The following APOBEC3F variants were observed in gnomAD, a reference collection of about 807,000 sequenced individuals.
APOBEC3F encodes the protein DNA dC->dU-editing enzyme APOBEC-3F.
APOBEC3F carries 34 observed loss-of-function variants against 45.8 expected under a neutral mutation model. That is an observed-to-expected ratio of 0.74 (90% CI 0.57 to 0.99). APOBEC3F has a LOEUF of 0.99. APOBEC3F is among the 50% of genes least tolerant of loss of function. The probability of loss-of-function intolerance (pLI) is 0.00; values close to 1 mark genes in which losing one functional copy is unlikely to be tolerated. For synonymous variants in APOBEC3F, 192 were observed against 174.4 expected, an observed-to-expected ratio of 1.10 and a Z score of -0.80; for missense variants, 459 against 474.1, an observed-to-expected ratio of 0.97 and a Z score of 0.30.
intron 4 of APOBEC3F, among the ~76,000 whole-genome samples, chr22:39,048,516 T>C (rs1165837732): frequency 1.7e-4 from 26 of 151,322 alleles, no homozygotes; most frequent in Admixed American, 1.7e-3. Context: ...CTACTAAAAA[T>C]ACAAAAACTA....
At chr22:39,042,500 C>G (rs1297284471) in intron 1 of APOBEC3F, among the ~76,000 whole-genome samples, 1 of 152,018 alleles carries the variant, frequency 6.6e-6, no homozygotes, top group Non-Finnish European at 1.5e-5. Flanking sequence ...TTAGTAGAGA[C>G]TGGGTTTCAC....
intron 3 of APOBEC3F, 25 bp downstream of exon 3, chr22:39,045,245 G>A: frequency 6.2e-7 from 1 of 1,610,676 alleles, no homozygotes; most frequent in Non-Finnish European, 8.5e-7. Context: ...GGTCAGGGGA[G>A]CGTGAGCGGG....
In APOBEC3F at chr22:39,040,911, A is replaced by G; in HGVS notation, c.-50A>G. ...AACCTGGAGCCTGGAGCAGAAAGTG[A>G]AACCCTGGTGCTCCAGACAAAGATC... On this transcript the variant is annotated 5_prime_UTR_variant, in exon 1 of 7. Transcript: ENST00000308521. The G allele has an allele frequency of 6.4e-7, 1 of 1,557,070 alleles. No homozygotes were observed. The highest frequency in any genetic ancestry group is 8.7e-7 in the Non-Finnish European group (1 of 1,149,670).
Position 39,055,212 on chromosome 22 carries a change from A to C in APOBEC3F, c.*2517A>C, listed in dbSNP as rs1461093824. The stretch of plus-strand genomic sequence containing the variant: ...CTCAGCCTCCTGAGTAGCTGGGACT[A>C]CAGGCGTGTGCCACCACGCCTGGCT... On this transcript the variant is annotated 3_prime_UTR_variant, in exon 7 of 7. Coordinates refer to ENST00000308521, the MANE Select transcript of APOBEC3F (RefSeq NM_145298.6). 6.6e-6 allele frequency among the ~76,000 whole-genome samples: 1 copy of C among 151,372 alleles called. No homozygotes were observed. The highest frequency in any genetic ancestry group is 2.4e-5 in the African/African-American group (1 of 41,038).
intron 5 of APOBEC3F, among the ~76,000 whole-genome samples, chr22:39,050,830 C>A (rs1927448684): frequency 6.6e-6 from 1 of 152,096 alleles, no homozygotes; most frequent in Admixed American, 6.6e-5. Context: ...AAGGCAGACC[C>A]CATAGGACCA....
At chr22:39,049,922 C>G (rs1199829188) in intron 5 of APOBEC3F, among the ~76,000 whole-genome samples, 1 of 151,332 alleles carries the variant, frequency 6.6e-6, no homozygotes, top group South Asian at 2.1e-4. Flanking sequence ...AGGCTGGTTT[C>G]GAATTCCTGA....
At chr22:39,042,848 C>G (rs1451744899) in intron 1 of APOBEC3F, 89 bp from the exon 2 acceptor site, 1 of 1,554,542 alleles carries the variant, frequency 6.4e-7, no homozygotes, top group Admixed American at 1.9e-5. Context: ...GGCCCAGAGC[C>G]ATGCAGGGGG....
In APOBEC3F at chr22:39,045,473, C is replaced by A. The variant is rs138934952; in HGVS notation, c.497C>A (p.Pro166Gln). ...WENFVYSEGQ[P>Q]FMPWYKFDDN... ...AACTTTGTGTACAGTGAAGGTCAGC[C>A]ATTCATGCCTTGGTACAAATTCGAT... The change falls in exon 4 of 7, where the codon CCA (proline) becomes CAA (glutamine). Residue 166 changes from proline to glutamine, a missense_variant. Transcript: ENST00000308521. The A allele has an allele frequency of 2.2e-3, 3,619 of 1,614,142 alleles. 38 individuals carry two copies. Among genetic ancestry groups the A allele is most frequent in the Non-Finnish European group, 1.6e-3 (1,879 of 1,180,010 alleles).
At position 39,049,477 on chromosome 22, in the gene APOBEC3F, C is replaced by G; in HGVS notation, c.619C>G (p.Leu207Val). ...PHIFYFHFKN[L>V]RKAYGRNESW... ...CATATTCTACTTCCACTTTAAAAAC[C>G]TACGCAAAGCCTATGGTCGGAACGA... is the stretch of plus-strand genomic sequence containing the variant. The change falls in exon 5 of 7, where the codon CTA becomes GTA. Residue 207 changes from leucine (L) to valine (V), a missense_variant. Transcript: ENST00000308521. 2 of 1,614,062 alleles carry G rather than the reference C, an allele frequency of 1.2e-6. No homozygotes were observed. Among genetic ancestry groups the G allele is most frequent in the Non-Finnish European group, 1.7e-6 (2 of 1,180,004 alleles).
intron 5 of APOBEC3F, 130 bp from the exon 6 acceptor site, chr22:39,051,944 A>G: frequency 7.3e-7 from 1 of 1,372,418 alleles, no homozygotes. Flanking sequence ...AACAGGAGAG[A>G]CCCTGTCTCA....
At chr22:39,047,748 C>CT (rs1927293273) in intron 4 of APOBEC3F, among the ~76,000 whole-genome samples, 2 of 152,000 alleles carry the variant, frequency 1.3e-5, no homozygotes, top group South Asian at 2.1e-4. Context: ...TGCTGAGACT[C>CT]TCCCCCGAAA....
chr22:39,052,377 G>C (rs771292222), intron 6 of APOBEC3F, 24 bp downstream of exon 6: 2 of 1,612,496 alleles, frequency 1.2e-6, no homozygotes, highest in East Asian at 4.5e-5. Context: ...GGGCTGAGGA[G>C]AGTGGGTGCG....
At chr22:39,047,621 C>G (rs1246599130) in intron 4 of APOBEC3F, among the ~76,000 whole-genome samples, 4 of 152,010 alleles carry the variant, frequency 2.6e-5, no homozygotes, top group Non-Finnish European at 4.4e-5. Flanking sequence ...TAGTCTCTCT[C>G]CCCTCTGGTT....
rs938392238 is a variant in APOBEC3F at position 39,055,514 on chromosome 22, G to C, written c.*2819G>C. Among the ~76,000 whole-genome samples, 9 of 152,042 alleles carry C rather than the reference G, an allele frequency of 5.9e-5. No individual in the cohort carries two copies. The highest frequency in any genetic ancestry group is 1.3e-4 in the Non-Finnish European group (9 of 68,010). ...CTCCTGAGTAGCTGGGATTACAGAT[G>C]CCCAGAACCAATCTCTGCTAATTTT... On this transcript the variant is annotated 3_prime_UTR_variant, in exon 7 of 7. Coordinates refer to ENST00000308521, the MANE Select transcript of APOBEC3F (RefSeq NM_145298.6).
chr22:39,046,797 G>A (rs1167449511), intron 4 of APOBEC3F, among the ~76,000 whole-genome samples: 3 of 152,010 alleles, frequency 2.0e-5, no homozygotes, highest in South Asian at 2.1e-4. Flanking sequence ...TGTATTTTTA[G>A]TAGAGACGGG....
At chr22:39,051,552 G>A (rs1321060090) in intron 5 of APOBEC3F, among the ~76,000 whole-genome samples, 3 of 143,804 alleles carry the variant, frequency 2.1e-5, no homozygotes, top group African/African-American at 7.6e-5. Flanking sequence ...AAAAAAAAAA[G>A]AAAGAAAAAG....
chr22:39,052,525 C>A, intron 6 of APOBEC3F, 52 bp from the exon 7 acceptor site: 2 of 1,585,402 alleles, frequency 1.3e-6, no homozygotes, highest in Non-Finnish European at 1.7e-6. Flanking sequence ...GGGCCCAGGG[C>A]TGGGAGAGAA....
intron 2 of APOBEC3F, among the ~76,000 whole-genome samples, chr22:39,043,833 A>G (rs1927055877): frequency 2.0e-5 from 3 of 151,528 alleles, no homozygotes; most frequent in Non-Finnish European, 4.4e-5. Context: ...CAGCTTGGCC[A>G]ACATGGTGAA....
chr22:39,043,785 G>A (rs1374158278), intron 2 of APOBEC3F, among the ~76,000 whole-genome samples: 1 of 151,614 alleles, frequency 6.6e-6, no homozygotes, highest in Non-Finnish European at 1.5e-5. Flanking sequence ...TTGGGAGGCC[G>A]AGGTGGGTGG....
Sources: gnomAD v4.1 joint callset for allele counts (sites outside exome capture counted in the v4.1 genomes callset) on GRCh38, gnomAD v4.1.1 for gene constraint, MANE v1.5 for transcripts, NCBI Gene and HGNC (gene_info 2026-07-23, HGNC 2026-07-21) for gene names.